The following WDR70 variants were observed in gnomAD, a reference collection of about 807,000 sequenced individuals.
WDR70 encodes WD repeat domain 70.
A neutral mutation model predicts 88.6 loss-of-function variants in WDR70; 53 were observed. The ratio of observed to expected loss-of-function variants is 0.60; its 90% CI spans 0.48 to 0.75. The LOEUF (loss-of-function observed/expected upper bound fraction) is 0.75. Ranked by LOEUF, WDR70 falls within the 30% of genes least tolerant of loss-of-function variation. The probability of loss-of-function intolerance (pLI) is 0.00; values close to 1 mark genes in which losing one functional copy is unlikely to be tolerated. For synonymous variants in WDR70, 280 were observed against 270.0 expected, an observed-to-expected ratio of 1.04 and a Z score of -0.36; for missense variants, 610 against 823.2, an observed-to-expected ratio of 0.74 and a Z score of 3.17.
rs561197458 is a variant in WDR70, at chr5:37,383,299, G to T, written c.175+1614G>T. Among the ~76,000 whole-genome samples the T allele has an allele frequency of 1.2e-4, 19 of 152,082 alleles. No homozygotes were observed. The South Asian group carries it at 3.7e-3, about 30-fold the overall frequency. ...ATTTGAGACGGAGGCCTGCTCTGTC[G>T]CCCAGGCTGGAGTGCAATGGCGTGA... On this transcript the variant is annotated intron_variant, in intron 3 of 17. Transcript: ENST00000265107.
chr5:37,641,592 T>A (rs1745105285), intron 10 of WDR70, among the ~76,000 whole-genome samples: 2 of 151,820 alleles, frequency 1.3e-5, no homozygotes, highest in African/African-American at 4.8e-5. Context: ...AATTTTTGTA[T>A]TTTTAGTAGA....
At chr5:37,550,655 C>G (rs1443783314) in intron 9 of WDR70, among the ~76,000 whole-genome samples, 1 of 152,124 alleles carries the variant, frequency 6.6e-6, no homozygotes, top group African/African-American at 2.4e-5. Flanking sequence ...TTCCTGTAGT[C>G]AGCAGATCAG....
chr5:37,562,202 T>C (rs1742526306), intron 9 of WDR70, among the ~76,000 whole-genome samples: 1 of 152,056 alleles, frequency 6.6e-6, no homozygotes, highest in Middle Eastern at 3.2e-3. Context: ...TATTAAAATA[T>C]AAAAATTAGC....
At position 37,736,634 on chromosome 5, in the gene WDR70, T is replaced by C. The variant is rs538231283; in HGVS notation, c.1877+9589T>C. On this transcript the variant is annotated intron_variant, in intron 17 of 17. Coordinates refer to ENST00000265107, the MANE Select transcript of WDR70 (RefSeq NM_018034.4). ...TGTAGTTTTTTTTTTTTTTCTTTTT[T>C]TTTTGCGGTGGGGGGGTTGTTTAAA... Among the ~76,000 whole-genome samples the C allele has an allele frequency of 1.7e-3, 257 of 151,948 alleles. 1 individual carries two copies. Among genetic ancestry groups the C allele is most frequent in the African/African-American group, 6.0e-3 (247 of 41,466 alleles).
chr5:37,614,201 GC>G (rs1370730084), intron 10 of WDR70, among the ~76,000 whole-genome samples: 2 of 152,138 alleles, frequency 1.3e-5, no homozygotes, highest in African/African-American at 4.8e-5. Flanking sequence ...GTTTCTAGAG[GC>G]CGCCCTTTTA....
chr5:37,724,867 T>C, intron 15 of WDR70, 67 bp from the exon 16 acceptor site: 1 of 1,362,252 alleles, frequency 7.3e-7, no homozygotes, highest in Non-Finnish European at 1.0e-6. Context: ...TTAGTCATGC[T>C]TTAACTATGT....
At chr5:37,673,023 G>A (rs887190680) in intron 10 of WDR70, among the ~76,000 whole-genome samples, 1 of 152,084 alleles carries the variant, frequency 6.6e-6, no homozygotes, top group Admixed American at 6.5e-5. Flanking sequence ...GTACCTATTA[G>A]TTGTTTTTCC....
chr5:37,575,282 C>A (rs1015421356), intron 9 of WDR70, among the ~76,000 whole-genome samples: 2 of 152,082 alleles, frequency 1.3e-5, no homozygotes, highest in Non-Finnish European at 1.5e-5. Flanking sequence ...TCCTAAAACC[C>A]TTGTAATTTT....
chr5:37,399,289 A>C (rs189828670), intron 5 of WDR70, among the ~76,000 whole-genome samples: 309 of 152,082 alleles, frequency 2.0e-3, no homozygotes, highest in East Asian at 0.015. Flanking sequence ...CACACACACA[A>C]AAAAAATTAG....
intron 17 of WDR70, 25 bp downstream of exon 17, chr5:37,727,070 G>A: frequency 6.3e-7 from 1 of 1,591,160 alleles, no homozygotes. Context: ...TTTTAAAACA[G>A]GAAAATTGTT....
chr5:37,396,448 C>G lies in WDR70; in HGVS notation c.370C>G (p.Pro124Ala). 1 of 1,613,946 alleles carries G rather than the reference C, an allele frequency of 6.2e-7. No homozygotes were observed. Among genetic ancestry groups the G allele is most frequent in the Non-Finnish European group, 8.5e-7 (1 of 1,180,002 alleles). Residue 124 changes from proline to alanine, a missense_variant, in exon 5 of 18, where the codon CCT becomes GCT. Physicochemically the swap from Pro to Ala is conservative, Grantham distance 27. This residue lies in a region of WDR70 where 203 missense variants were observed against 228.1 expected (regional missense o/e 0.89). Coordinates refer to ENST00000265107, the MANE Select transcript of WDR70 (RefSeq NM_018034.4). Reference sequence around the variant, plus strand: ...TGAGTTAATTGGCCCTCCTTTACCCCCTAAAATGGTAGGAAAACCAGTTAA... The same window carrying G: ...TGAGTTAATTGGCCCTCCTTTACCCGCTAAAATGGTAGGAAAACCAGTTAA... ...DDELIGPPLPPKMVGKPVNFM... is the reference protein window; with the variant it reads ...DDELIGPPLPAKMVGKPVNFM...
At chr5:37,481,764 T>A (rs1739677391) in intron 8 of WDR70, among the ~76,000 whole-genome samples, 2 of 152,304 alleles carry the variant, frequency 1.3e-5, no homozygotes, top group South Asian at 4.1e-4. Flanking sequence ...AGAAAATAGA[T>A]TTTTCTTTTC....
intron 3 of WDR70, 67 bp from the exon 4 acceptor site, chr5:37,391,933 T>G (rs1748832449): frequency 8.5e-6 from 13 of 1,524,744 alleles, no homozygotes; most frequent in Non-Finnish European, 1.1e-5. Flanking sequence ...TTAGCCTTTC[T>G]AATACTAACA....
intron 10 of WDR70, among the ~76,000 whole-genome samples, chr5:37,668,876 A>G (rs1406448284): frequency 6.6e-6 from 1 of 152,238 alleles, no homozygotes; most frequent in Non-Finnish European, 1.5e-5. Flanking sequence ...ATGCTAAGTC[A>G]TAGCTGTTTT....
intron 5 of WDR70, among the ~76,000 whole-genome samples, chr5:37,436,263 A>G (rs1049690679): frequency 2.6e-5 from 4 of 152,116 alleles, no homozygotes; most frequent in Non-Finnish European, 5.9e-5. Context: ...GAGCTCTACC[A>G]TGTGCCAAAC....
At chr5:37,535,452 T>G (rs937600930) in intron 9 of WDR70, among the ~76,000 whole-genome samples, 1 of 152,106 alleles carries the variant, frequency 6.6e-6, no homozygotes, top group Non-Finnish European at 1.5e-5. Context: ...AATAAGGTGT[T>G]GTGGGCTAAA....
At chr5:37,685,834 TG>T (rs1746574434) in intron 10 of WDR70, among the ~76,000 whole-genome samples, 1 of 152,166 alleles carries the variant, frequency 6.6e-6, no homozygotes, top group Non-Finnish European at 1.5e-5. Flanking sequence ...TCACTTCACC[TG>T]CTCCCCAGGA....
At chr5:37,508,968 T>C (rs1561880491) in intron 8 of WDR70, among the ~76,000 whole-genome samples, 1 of 152,204 alleles carries the variant, frequency 6.6e-6, no homozygotes, top group Non-Finnish European at 1.5e-5. Flanking sequence ...ATTTAGTGGA[T>C]ATAGGACTAT....
chr5:37,656,452 C>T (rs1009776592), intron 10 of WDR70, among the ~76,000 whole-genome samples: 1 of 152,212 alleles, frequency 6.6e-6, no homozygotes, highest in African/African-American at 2.4e-5. Flanking sequence ...GCAGTCTGTC[C>T]CTTAGCAGAG....
Sources: gnomAD v4.1 joint callset for allele counts (sites outside exome capture counted in the v4.1 genomes callset) on GRCh38, gnomAD v4.1.1 for gene constraint, gnomAD v4.1.1 regional missense constraint, MANE v1.5 for transcripts, NCBI Gene and HGNC (gene_info 2026-07-23, HGNC 2026-07-21) for gene names.